CENPQ: variants seen among roughly 807,000 people sequenced by gnomAD.
CENPQ encodes centromere protein Q.
Under a neutral mutation model 36.6 loss-of-function variants are expected in CENPQ, and 27 were observed. The observed-to-expected ratio is 0.74, with a 90% CI of 0.54 to 1.02. The LOEUF (loss-of-function observed/expected upper bound fraction) is 1.02, where lower values mean the gene tolerates loss of function less well. Among genes scored for constraint, CENPQ ranks in the 50% least tolerant of loss-of-function variants. CENPQ has a pLI of 0.00. For synonymous variants in CENPQ, 101 were observed against 101.7 expected, an observed-to-expected ratio of 0.99 and a Z score of 0.04; for missense variants, 306 against 301.8, an observed-to-expected ratio of 1.01 and a Z score of -0.10.
chr6:49,483,093 G>A (rs1768483561), intron 6 of CENPQ, among the ~76,000 whole-genome samples: 1 of 152,130 alleles, frequency 6.6e-6, no homozygotes, highest in African/African-American at 2.4e-5. Flanking sequence ...GTAGAGCCGA[G>A]TGGTCTGTTT....
At chr6:49,463,844 C>G (rs1767928443) in intron 1 of CENPQ, among the ~76,000 whole-genome samples, 1 of 152,096 alleles carries the variant, frequency 6.6e-6, no homozygotes, top group Non-Finnish European at 1.5e-5. Flanking sequence ...TGAGTATCAA[C>G]AAGCTGGTAA....
chr6:49,485,578 A>C (rs1297830674), intron 6 of CENPQ, among the ~76,000 whole-genome samples: 1 of 152,238 alleles, frequency 6.6e-6, no homozygotes, highest in Non-Finnish European at 1.5e-5. Context: ...TTCAGAAAAA[A>C]TGATAGAAAG....
chr6:49,488,660 A>G lies in CENPQ; in HGVS notation c.651A>G (p.Lys217=), dbSNP rs1768648469. ...TCTCTCTTCCGGAACTTTCTCAGAA[A>G]ACTCTCAAAGCACCCACACTTCAGG... is the stretch of plus-strand genomic sequence containing the variant. ...GVLSLPELSQ[K]TLKAPTLQKE... The change falls in exon 8 of 9, where the codon AAA becomes AAG. Residue 217 remains lysine, a synonymous_variant. Transcript: ENST00000335783. 6.2e-7 allele frequency: 1 copy of G among 1,613,508 alleles called. No individual in the cohort carries two copies.
At chr6:49,483,012 G>T (rs539759204) in intron 6 of CENPQ, among the ~76,000 whole-genome samples, 4 of 152,234 alleles carry the variant, frequency 2.6e-5, no homozygotes, top group Non-Finnish European at 4.4e-5. Context: ...GGACCCAAGC[G>T]GGTTGCCACT....
At chr6:49,480,248 TTCC>T (rs932180773) in intron 5 of CENPQ, among the ~76,000 whole-genome samples, 6 of 152,202 alleles carry the variant, frequency 3.9e-5, no homozygotes, top group African/African-American at 9.6e-5. Flanking sequence ...AATTTAGCTT[TTCC>T]TCCTCATAAA....
intron 5 of CENPQ, among the ~76,000 whole-genome samples, chr6:49,478,723 A>G (rs1768359944): frequency 6.6e-6 from 1 of 152,164 alleles, no homozygotes; most frequent in Admixed American, 6.5e-5. Context: ...CATGGATATG[A>G]TTGATATAGA....
chr6:49,469,363 T>C (rs1768075320), intron 1 of CENPQ, among the ~76,000 whole-genome samples: 1 of 152,238 alleles, frequency 6.6e-6, no homozygotes, highest in Admixed American at 6.5e-5. Context: ...ATATAGCTAA[T>C]ATGTGCATAT....
At chr6:49,469,143 C>T (rs1347114217) in intron 1 of CENPQ, among the ~76,000 whole-genome samples, 2 of 151,912 alleles carry the variant, frequency 1.3e-5, no homozygotes, top group East Asian at 1.9e-4. Context: ...ATTTTTTTTC[C>T]AGTCTTGTGT....
chr6:49,486,578 A>C (rs1768584364), intron 6 of CENPQ, among the ~76,000 whole-genome samples: 1 of 152,196 alleles, frequency 6.6e-6, no homozygotes, highest in Non-Finnish European at 1.5e-5. Flanking sequence ...CAGACATATC[A>C]ACCAGTCACA....
chr6:49,484,788 T>A (rs1232010959), intron 6 of CENPQ, among the ~76,000 whole-genome samples: 1 of 152,214 alleles, frequency 6.6e-6, no homozygotes, highest in Non-Finnish European at 1.5e-5. Flanking sequence ...TTTATTTCCA[T>A]CCCAAGGTTC....
chr6:49,472,646 G>A (rs551926068), intron 4 of CENPQ, 144 bp from the exon 5 acceptor site: 10 of 538,066 alleles, frequency 1.9e-5, no homozygotes, highest in Non-Finnish European at 2.8e-5. Context: ...TCTGTTTAAA[G>A]TGTCTTTAAT....
chr6:49,492,291 T>A lies in CENPQ; in HGVS notation c.*16T>A. The A allele has an allele frequency of 1.3e-6, 2 of 1,559,338 alleles. No homozygotes were observed. The highest frequency in any genetic ancestry group is 1.7e-6 in the Non-Finnish European group (2 of 1,157,094). On this transcript the variant is annotated 3_prime_UTR_variant, in exon 9 of 9. Coordinates refer to ENST00000335783, the MANE Select transcript of CENPQ (RefSeq NM_018132.4). ...TGCATCTTAAAGAGTGTTTTTTTTT[T>A]AGATTGTTCCATATTAATTTAATGT...
At position 49,470,995 on chromosome 6, in the gene CENPQ, A is replaced by G. The variant is rs376009235; in HGVS notation, c.124A>G (p.Asn42Asp). The G allele has an allele frequency of 6.5e-7, 1 of 1,534,264 alleles. No individual in the cohort carries two copies. The highest frequency in any genetic ancestry group is 1.3e-5 in the South Asian group (1 of 78,634). The stretch of plus-strand genomic sequence containing the variant: ...CTAGGTTAGAAACACAGTGAAAAAA[A>G]ATAAAAATCATCTGAAAGATCTGTC... ...ENKVRNTVKK[N>D]KNHLKDLSSE... The change falls in exon 3 of 9, where the codon AAT (asparagine) becomes GAT (aspartate). Residue 42 changes from asparagine to aspartate, a missense_variant. Asn to Asp is a conservative substitution (Grantham distance 23). Transcript: ENST00000335783.
At chr6:49,464,473 C>T (rs1215209172) in intron 1 of CENPQ, among the ~76,000 whole-genome samples, 1 of 152,128 alleles carries the variant, frequency 6.6e-6, no homozygotes, top group African/African-American at 2.4e-5. Flanking sequence ...GAATTTTGTA[C>T]AGCAGTTGAC....
At chr6:49,470,848 A>AT (rs1481261154) in intron 2 of CENPQ, 126 bp from the exon 3 acceptor site, 18 of 461,772 alleles carry the variant, frequency 3.9e-5, no homozygotes, top group Middle Eastern at 5.9e-4. Context: ...AGCAACATAC[A>AT]TTTTTTCTAT....
At chr6:49,488,144 A>G (rs773063475) in intron 6 of CENPQ, among the ~76,000 whole-genome samples, 8 of 152,198 alleles carry the variant, frequency 5.3e-5, no homozygotes, top group Non-Finnish European at 2.9e-5. Context: ...GAAATTAGAT[A>G]TCCTTATAAC....
chr6:49,487,351 T>C (rs1768610906), intron 6 of CENPQ, among the ~76,000 whole-genome samples: 1 of 150,304 alleles, frequency 6.7e-6, no homozygotes, highest in African/African-American at 2.4e-5. Flanking sequence ...TTTGTTTTGT[T>C]GAGGTTTTGA....
chr6:49,477,532 G>T (rs1458933105), intron 5 of CENPQ, among the ~76,000 whole-genome samples: 3 of 150,202 alleles, frequency 2.0e-5, no homozygotes, highest in African/African-American at 7.4e-5. Flanking sequence ...AACCTGCACA[G>T]TTGTGCACAT....
At chr6:49,470,607 A>C (rs1269828347) in intron 2 of CENPQ, among the ~76,000 whole-genome samples, 5 of 128,172 alleles carry the variant, frequency 3.9e-5, no homozygotes, top group Non-Finnish European at 8.0e-5. Context: ...GGGCAAAAAG[A>C]GTGAGACTCC....
Sources: allele counts gnomAD v4.1 joint callset (sites outside exome capture counted in the v4.1 genomes callset), GRCh38; gene constraint gnomAD v4.1.1; transcripts MANE v1.5; gene names NCBI Gene and HGNC (gene_info 2026-07-23, HGNC 2026-07-21).